SLC10A7: variants seen among roughly 807,000 people sequenced by gnomAD.
SLC10A7 encodes solute carrier family 10 member 7.
SLC10A7 carries 29 observed loss-of-function variants against 43.2 expected under a neutral mutation model. The ratio of observed to expected loss-of-function variants is 0.67; its 90% CI spans 0.50 to 0.92. The LOEUF is 0.92. Among genes scored for constraint, SLC10A7 ranks in the 40% least tolerant of loss-of-function variants. SLC10A7 has a pLI of 0.00. For synonymous variants in SLC10A7, 152 were observed against 144.8 expected (o/e 1.05, Z -0.35); for missense variants, 295 against 403.2 (o/e 0.73, Z 2.30).
At chr4:146,303,869 AT>A (rs1553953308) in intron 7 of SLC10A7, among the ~76,000 whole-genome samples, 1 of 128,174 alleles carries the variant, frequency 7.8e-6, no homozygotes, top group South Asian at 2.6e-4. Context: ...GATAGATATT[AT>A]TGTCATAATA....
At position 146,384,990 on chromosome 4, in the gene SLC10A7, C is replaced by A. The variant is rs145553248; in HGVS notation, c.435+57793G>T. Among the ~76,000 whole-genome samples, 984 of 151,996 alleles carry A rather than the reference C, an allele frequency of 6.5e-3. 9 individuals are homozygous for A. The highest frequency in any genetic ancestry group is 0.023 in the African/African-American group (952 of 41,470). The stretch of plus-strand genomic sequence containing the variant: ...TCAATAATTTCTAAGAATCAACTAC[C>A]CTTACTGAAAAGACTCCTTCAGAGT... On this transcript the variant is annotated intron_variant, in intron 5 of 11. Transcript: ENST00000335472.
At chr4:146,456,639 A>G (rs1477267935) in intron 4 of SLC10A7, among the ~76,000 whole-genome samples, 1 of 151,978 alleles carries the variant, frequency 6.6e-6, no homozygotes, top group African/African-American at 2.4e-5. Flanking sequence ...GAAGGAGTGC[A>G]GAGCTTCTAT....
chr4:146,452,582 G>A (rs1266746310), intron 4 of SLC10A7, among the ~76,000 whole-genome samples: 1 of 152,006 alleles, frequency 6.6e-6, no homozygotes, highest in Non-Finnish European at 1.5e-5. Context: ...ATGCAACTTA[G>A]TTGCTAGTTT....
intron 4 of SLC10A7, among the ~76,000 whole-genome samples, chr4:146,502,582 G>T (rs1055465327): frequency 6.6e-6 from 1 of 151,742 alleles, no homozygotes; most frequent in Non-Finnish European, 1.5e-5. Flanking sequence ...TACAGTAAAT[G>T]CTCATAGCCA....
chr4:146,288,840 T>C (rs958511740), intron 9 of SLC10A7, among the ~76,000 whole-genome samples: 21 of 152,240 alleles, frequency 1.4e-4, no homozygotes, highest in Admixed American at 1.3e-3. Context: ...TTTGATCACT[T>C]TGCCTTCTCT....
At chr4:146,437,944 C>G (rs1730323411) in intron 5 of SLC10A7, among the ~76,000 whole-genome samples, 2 of 151,778 alleles carry the variant, frequency 1.3e-5, no homozygotes, top group Non-Finnish European at 1.5e-5. Context: ...TCATCTTTGT[C>G]ATTCACTAGG....
chr4:146,518,347 C>G (rs1367726357), intron 1 of SLC10A7, among the ~76,000 whole-genome samples: 1 of 152,110 alleles, frequency 6.6e-6, no homozygotes, highest in Non-Finnish European at 1.5e-5. Context: ...ATAGGATGTG[C>G]TACTAACATC....
chr4:146,264,923 T>C (rs1728462446), intron 10 of SLC10A7, among the ~76,000 whole-genome samples: 1 of 152,182 alleles, frequency 6.6e-6, no homozygotes, highest in Non-Finnish European at 1.5e-5. Flanking sequence ...CATAACTCCT[T>C]GTCTTCAGAC....
chr4:146,328,909 G>T (rs1338925477), intron 5 of SLC10A7, among the ~76,000 whole-genome samples: 2 of 152,108 alleles, frequency 1.3e-5, no homozygotes, highest in African/African-American at 4.8e-5. Context: ...GAAAAAGCAA[G>T]AAAACATGAC....
At chr4:146,258,195 T>C (rs2110971098) in intron 11 of SLC10A7, among the ~76,000 whole-genome samples, 1 of 152,308 alleles carries the variant, frequency 6.6e-6, no homozygotes, top group South Asian at 2.1e-4. Flanking sequence ...CTTAGCTACT[T>C]AAAGTTTATT....
intron 5 of SLC10A7, among the ~76,000 whole-genome samples, chr4:146,424,536 T>C (rs2149855120): frequency 6.6e-6 from 1 of 152,110 alleles, no homozygotes; most frequent in South Asian, 2.1e-4. Context: ...GGAGGCCACC[T>C]GTAATCCCAG....
intron 6 of SLC10A7, among the ~76,000 whole-genome samples, chr4:146,311,903 G>A (rs1031269975): frequency 6.6e-6 from 1 of 152,098 alleles, no homozygotes; most frequent in Non-Finnish European, 1.5e-5. Flanking sequence ...ACACGATATA[G>A]TTCAGCTTTT....
chr4:146,341,563 T>C (rs186543692), intron 5 of SLC10A7, among the ~76,000 whole-genome samples: 15 of 151,936 alleles, frequency 9.9e-5, no homozygotes, highest in Non-Finnish European at 1.2e-4. Flanking sequence ...CATTATTACA[T>C]AGTATTCTAT....
chr4:146,517,215 C>T, intron 1 of SLC10A7, 95 bp from the exon 2 acceptor site: 1 of 1,007,982 alleles, frequency 9.9e-7, no homozygotes, highest in African/African-American at 1.6e-5. Flanking sequence ...GTAATCCCAG[C>T]ACTTTGGGAG....
intron 5 of SLC10A7, chr4:146,441,593 GAAT>G (rs1730608313): frequency 1.3e-6 from 1 of 761,518 alleles, no homozygotes; most frequent in Non-Finnish European, 1.6e-6. Flanking sequence ...ACAACGTATA[GAAT>G]AATACTTGGA....
intron 5 of SLC10A7, among the ~76,000 whole-genome samples, chr4:146,362,323 G>C (rs1412622441): frequency 6.6e-6 from 1 of 151,868 alleles, no homozygotes; most frequent in East Asian, 1.9e-4. Context: ...CAAAGGTCAA[G>C]GAAAAAGAAA....
rs890300168 is a variant in SLC10A7 at position 146,349,474 on chromosome 4, G to C, written c.436-23478C>G. ...GAGACTTCTCAGAGAACTTAAAGCAGAACTACCATTCAACTCAGCCAATCC... is the reference window on the plus strand; with the variant it reads ...GAGACTTCTCAGAGAACTTAAAGCACAACTACCATTCAACTCAGCCAATCC... On this transcript the variant is annotated intron_variant, in intron 5 of 11. Coordinates refer to ENST00000335472, the MANE Select transcript of SLC10A7 (RefSeq NM_001029998.6). Among the ~76,000 whole-genome samples, 4 of 152,244 alleles carry C rather than the reference G, an allele frequency of 2.6e-5. No homozygotes were observed. In the East Asian group the frequency reaches 7.7e-4, roughly 29 times the overall value.
chr4:146,288,098 C>T (rs973289375), intron 9 of SLC10A7, among the ~76,000 whole-genome samples: 9 of 152,222 alleles, frequency 5.9e-5, no homozygotes, highest in African/African-American at 1.9e-4. Flanking sequence ...CTCTCAGTAA[C>T]ACTGCTCTAC....
chr4:146,476,283 A>G (rs1196185317), intron 4 of SLC10A7, among the ~76,000 whole-genome samples: 2 of 152,198 alleles, frequency 1.3e-5, no homozygotes, highest in Non-Finnish European at 2.9e-5. Context: ...AGTGTTGTGG[A>G]AGATACGCTG....
Sources: allele counts gnomAD v4.1 joint callset (sites outside exome capture counted in the v4.1 genomes callset), GRCh38; gene constraint gnomAD v4.1.1; transcripts MANE v1.5; gene names NCBI Gene and HGNC (gene_info 2026-07-23, HGNC 2026-07-21).